LHPP: variants seen among roughly 807,000 people sequenced by gnomAD.
LHPP encodes the protein hLHPP.
A neutral mutation model predicts 30.3 loss-of-function variants in LHPP; 24 were observed. The ratio of observed to expected loss-of-function variants is 0.79; its 90% CI spans 0.57 to 1.11. The LOEUF (loss-of-function observed/expected upper bound fraction) is 1.11. Ranked by LOEUF, LHPP falls within the 50% of genes most tolerant of loss-of-function variation. The pLI is 0.00. For synonymous variants in LHPP, 150 were observed against 157.1 expected (o/e 0.95, Z 0.34); for missense variants, 356 against 367.2 (o/e 0.97, Z 0.25).
chr10:124,605,260 TG>T (rs767272505), intron 6 of LHPP: 1 of 152,292 alleles, frequency 6.6e-6, no homozygotes, highest in African/African-American at 2.4e-5. Flanking sequence ...CCTGCCCAGC[TG>T]GGGGCCTTTG....
At chr10:124,525,431 A>T (rs974787356) in intron 6 of LHPP, among the ~76,000 whole-genome samples, 3 of 152,010 alleles carry the variant, frequency 2.0e-5, no homozygotes, top group Non-Finnish European at 2.9e-5. Context: ...CCACGGGGGG[A>T]CCCTGTTGCT....
rs570319995 is a variant in LHPP, at chr10:124,539,628, C to T, written c.716+22357C>T. ...GCTCACGCCTGTAATCTCAGCTACT[C>T]GGGTGGCTGAGGCAGGAGAATCACT... On this transcript the variant is annotated intron_variant, in intron 6 of 6. Coordinates refer to ENST00000368842, the MANE Select transcript of LHPP (RefSeq NM_022126.4). Among the ~76,000 whole-genome samples, 242 of 151,508 alleles carry T rather than the reference C, an allele frequency of 1.6e-3. 1 individual carries two copies. Among genetic ancestry groups the T allele is most frequent in the Middle Eastern group, 0.01 (3 of 292 alleles).
chr10:124,483,844 ATGAAAAG>A (rs1953225778), intron 1 of LHPP, among the ~76,000 whole-genome samples: 1 of 149,740 alleles, frequency 6.7e-6, no homozygotes, highest in South Asian at 2.2e-4. Context: ...GGGAGAGGCA[ATGAAAAG>A]GGGGGTCAGG....
At chr10:124,533,049 AG>A (rs1954936951) in intron 6 of LHPP, among the ~76,000 whole-genome samples, 1 of 152,226 alleles carries the variant, frequency 6.6e-6, no homozygotes, top group Non-Finnish European at 1.5e-5. Flanking sequence ...AGGTATCCTC[AG>A]CACCTTTATT....
At chr10:124,473,889 A>G (rs928264134) in intron 1 of LHPP, among the ~76,000 whole-genome samples, 2 of 152,164 alleles carry the variant, frequency 1.3e-5, no homozygotes, top group African/African-American at 4.8e-5. Flanking sequence ...CGGAGGTTGC[A>G]GTGAGCTGAG....
intron 2 of LHPP, among the ~76,000 whole-genome samples, chr10:124,486,778 G>A (rs1205022605): frequency 6.6e-6 from 1 of 152,212 alleles, no homozygotes; most frequent in Non-Finnish European, 1.5e-5. Context: ...TACAGAAACA[G>A]GTGTTCACTG....
intron 6 of LHPP, among the ~76,000 whole-genome samples, chr10:124,610,960 T>C (rs867959844): frequency 1.6e-4 from 12 of 75,778 alleles, no homozygotes; most frequent in East Asian, 5.5e-4. Context: ...ATGGAGCGGG[T>C]GAGGGTGCGG....
intron 6 of LHPP, among the ~76,000 whole-genome samples, chr10:124,585,594 G>A (rs1198152648): frequency 1.3e-5 from 2 of 150,058 alleles, no homozygotes; most frequent in Non-Finnish European, 3.0e-5. Context: ...CAGTCTGGGC[G>A]ACAGAACGAG....
At chr10:124,512,169 C>T (rs1015747834) in intron 5 of LHPP, among the ~76,000 whole-genome samples, 3 of 152,206 alleles carry the variant, frequency 2.0e-5, no homozygotes, top group Non-Finnish European at 4.4e-5. Flanking sequence ...ACACTGTGTG[C>T]CCACTGCCTG....
chr10:124,496,306 G>T lies in LHPP; in HGVS notation c.468-655G>T, dbSNP rs569763156. 6.6e-6 allele frequency among the ~76,000 whole-genome samples: 1 copy of T among 152,156 alleles called. No homozygotes were observed. Among genetic ancestry groups the T allele is most frequent in the African/African-American group, 2.4e-5 (1 of 41,434 alleles). On this transcript the variant is annotated intron_variant, in intron 3 of 6. Transcript: ENST00000368842. The surrounding 1 kb of genome is among the most constrained non-coding windows in gnomAD (Gnocchi z 4.3). ...ATCGTAGGGTGAGCCTGGCCGGGCT[G>T]CAGCCAGCCACCAAGCCAGCCCTGG...
In LHPP at chr10:124,592,831, C is replaced by T. The variant is rs762504478; in HGVS notation, c.717-20433C>T. On this transcript the variant is annotated intron_variant, in intron 6 of 6. Transcript: ENST00000368842. The surrounding 1 kb of genome is among the most constrained non-coding windows in gnomAD (Gnocchi z 6.2). ...AGAAAACAAGATTCCGTCTAGGAAT[C>T]GTCCAGGGCGCGGCAGCCCGCCAGG... Among the ~76,000 whole-genome samples the T allele has an allele frequency of 6.6e-6, 1 of 152,254 alleles. No individual in the cohort carries two copies. Among genetic ancestry groups the T allele is most frequent in the Non-Finnish European group, 1.5e-5 (1 of 68,042 alleles).
intron 6 of LHPP, among the ~76,000 whole-genome samples, chr10:124,585,077 T>A (rs1948786884): frequency 6.6e-6 from 1 of 152,166 alleles, no homozygotes; most frequent in African/African-American, 2.4e-5. Flanking sequence ...TATTCCAGAA[T>A]CAAAAAATAT....
chr10:124,580,147 A>C lies in LHPP; in HGVS notation c.717-33117A>C, dbSNP rs563979149. Among the ~76,000 whole-genome samples the C allele has an allele frequency of 8.5e-5, 13 of 152,330 alleles. No homozygotes were observed. The South Asian group carries it at 1.7e-3, about 19-fold the overall frequency. On this transcript the variant is annotated intron_variant, in intron 6 of 6. Transcript: ENST00000368842. ...TTACTGATTTGTAGCCATTCTTTATACATTTCACTCCCACTCGTTTGTCAG... is the reference window on the plus strand; with the variant it reads ...TTACTGATTTGTAGCCATTCTTTATCCATTTCACTCCCACTCGTTTGTCAG...
At chr10:124,497,242 TCCCATCCTCCCCATCCTCCCCATCCTC>T (rs1264255913) in intron 4 of LHPP, among the ~76,000 whole-genome samples, 11 of 24,966 alleles carry the variant, frequency 4.4e-4, no homozygotes, top group South Asian at 2.5e-3. Context: ...TTCCCATCCT[TCCCATCCTCCCCATCCTCCCCATCCTC>T]CCCATCCTCC....
chr10:124,514,498 T>G (rs1053767830), intron 5 of LHPP, among the ~76,000 whole-genome samples: 19 of 152,316 alleles, frequency 1.2e-4, no homozygotes, highest in Non-Finnish European at 2.5e-4. Context: ...TTTTACTGCT[T>G]AAAAGACGGC....
chr10:124,484,455 G>C lies in LHPP; in HGVS notation c.313+129G>C, dbSNP rs1953254234. ...GCTAGGCCACCAACACTCATGGGTTGGGGGTAAAAACCTCATGGGACTTCC... is the reference window on the plus strand; with the variant it reads ...GCTAGGCCACCAACACTCATGGGTTCGGGGTAAAAACCTCATGGGACTTCC... On this transcript the variant is annotated intron_variant, in intron 2 of 6. Coordinates refer to ENST00000368842, the MANE Select transcript of LHPP (RefSeq NM_022126.4). 10 of 917,794 alleles carry C rather than the reference G, an allele frequency of 1.1e-5. No homozygotes were observed. In the East Asian group the frequency reaches 2.6e-4, roughly 24 times the overall value. The allele number at this position is 917,794 out of a possible 1,614,324, so 56.9% of individuals were successfully genotyped here.
intron 6 of LHPP, among the ~76,000 whole-genome samples, chr10:124,556,120 T>C (rs1161186599): frequency 1.3e-5 from 2 of 151,860 alleles, no homozygotes; most frequent in Admixed American, 1.3e-4. Flanking sequence ...GTGTTCCCTC[T>C]TGAAAACTTC....
chr10:124,535,790 G>A (rs1955008616), intron 6 of LHPP, among the ~76,000 whole-genome samples: 1 of 152,252 alleles, frequency 6.6e-6, no homozygotes, highest in Non-Finnish European at 1.5e-5. Context: ...CAGGTATCAG[G>A]AGGAGACACT....
At chr10:124,538,647 C>T (rs569182229) in intron 6 of LHPP, among the ~76,000 whole-genome samples, 5 of 152,312 alleles carry the variant, frequency 3.3e-5, no homozygotes, top group African/African-American at 9.6e-5. Context: ...CTGGAAGAGA[C>T]GGAGGATGAA....
Sources: allele counts gnomAD v4.1 joint callset (sites outside exome capture counted in the v4.1 genomes callset), GRCh38; gene constraint gnomAD v4.1.1; non-coding constraint Gnocchi (gnomAD v3.1); transcripts MANE v1.5; gene names NCBI Gene and HGNC (gene_info 2026-07-23, HGNC 2026-07-21).